ETV1: variants seen among roughly 807,000 people sequenced by gnomAD.
ETV1 encodes ETS variant transcription factor 1.
A neutral mutation model predicts 62.3 loss-of-function variants in ETV1; 27 were observed. The observed-to-expected ratio is 0.43, with a 90% CI of 0.32 to 0.60. ETV1 has a LOEUF of 0.60. Among genes scored for constraint, ETV1 ranks in the 20% least tolerant of loss-of-function variants. The probability of loss-of-function intolerance (pLI) is 0.06; values close to 1 mark genes in which losing one functional copy is unlikely to be tolerated. For synonymous variants in ETV1, 222 were observed against 199.6 expected (o/e 1.11, Z -0.94); for missense variants, 605 against 605.8 (o/e 1.00, Z 0.01).
intron 12 of ETV1, among the ~76,000 whole-genome samples, chr7:13,901,976 C>A (rs1782484179): frequency 6.6e-6 from 1 of 152,124 alleles, no homozygotes; most frequent in Admixed American, 6.5e-5. Context: ...TATATCCCTA[C>A]CTCATCACCA....
rs1781556741 is a variant in ETV1 at position 13,893,953 on chromosome 7, G to A, written c.*1913C>T. The A allele has an allele frequency of 8.6e-6, 2 of 232,956 alleles. No individual in the cohort carries two copies. The highest frequency in any genetic ancestry group is 3.6e-4 in the South Asian group (2 of 5,520). The allele number at this position is 232,956 out of a possible 1,614,324, so 14.4% of individuals were successfully genotyped here. A position where few individuals can be genotyped will look rare whatever the true frequency, so the allele number is the denominator to read the frequency against. On this transcript the variant is annotated 3_prime_UTR_variant, in exon 14 of 14. Transcript: ENST00000430479. ...CAGGTTACATACATATTTTGAAATT[G>A]GAGTACTTTTTGTAGGATTAAATGT...
chr7:13,986,479 A>T (rs1782563948), intron 5 of ETV1, 159 bp downstream of exon 5: 1 of 1,507,596 alleles, frequency 6.6e-7, no homozygotes, highest in Non-Finnish European at 8.8e-7. Flanking sequence ...GAGTCCCCAA[A>T]GACAAACTCA....
At chr7:13,934,413 T>C (rs1237964082) in intron 8 of ETV1, among the ~76,000 whole-genome samples, 1 of 152,196 alleles carries the variant, frequency 6.6e-6, no homozygotes, top group Non-Finnish European at 1.5e-5. Flanking sequence ...AAAAGCACAT[T>C]TGAGTGCTCC....
intron 9 of ETV1, among the ~76,000 whole-genome samples, chr7:13,923,377 G>C (rs1785066208): frequency 6.6e-6 from 1 of 152,048 alleles, no homozygotes; most frequent in Non-Finnish European, 1.5e-5. Flanking sequence ...GCAAAACATA[G>C]AATAACATTT....
At chr7:13,936,214 ATATATCTAT>A (rs1272689270) in intron 7 of ETV1, among the ~76,000 whole-genome samples, 2 of 152,174 alleles carry the variant, frequency 1.3e-5, no homozygotes, top group African/African-American at 4.8e-5. Context: ...TCTATTCTTG[ATATATCTAT>A]TTGAGAAAGT....
intron 5 of ETV1, among the ~76,000 whole-genome samples, chr7:13,982,827 G>C (rs1017313845): frequency 6.6e-6 from 1 of 151,872 alleles, no homozygotes; most frequent in South Asian, 2.1e-4. Flanking sequence ...TTAAAAAAAA[G>C]TAGGATTTCT....
chr7:13,918,417 A>T (rs1389985331), intron 9 of ETV1, among the ~76,000 whole-genome samples: 4 of 152,194 alleles, frequency 2.6e-5, no homozygotes, highest in African/African-American at 9.7e-5. Flanking sequence ...GCTGCTATAA[A>T]GACACATGCA....
At chr7:13,920,012 A>C (rs1784654997) in intron 9 of ETV1, among the ~76,000 whole-genome samples, 1 of 152,200 alleles carries the variant, frequency 6.6e-6, no homozygotes. Context: ...ACTTGAAATA[A>C]GCAGTTCTGG....
chr7:13,963,728 T>G (rs1790455696), intron 6 of ETV1, among the ~76,000 whole-genome samples: 1 of 152,176 alleles, frequency 6.6e-6, no homozygotes. Context: ...TATGTCCATC[T>G]CTACATAAGA....
At position 13,927,250 on chromosome 7, in the gene ETV1, A is replaced by T. The variant is rs928579085; in HGVS notation, c.802+4252T>A. 3.3e-5 allele frequency among the ~76,000 whole-genome samples: 5 copies of T among 151,990 alleles called. No individual in the cohort carries two copies. The East Asian group carries it at 7.7e-4, about 24-fold the overall frequency. ...GATCACTTGAGGTCAGGCGTTTGAG[A>T]CCAGCCTAGCCAACATGATGAACCC... On this transcript the variant is annotated intron_variant, in intron 9 of 13. Coordinates refer to ENST00000430479, the MANE Select transcript of ETV1 (RefSeq NM_004956.5).
chr7:13,959,346 C>T (rs911593117), intron 6 of ETV1, among the ~76,000 whole-genome samples: 3 of 152,238 alleles, frequency 2.0e-5, no homozygotes, highest in East Asian at 1.9e-4. Flanking sequence ...CTCTTAGGTG[C>T]TATTTTAACT....
At chr7:13,910,228 CTTTTTT>C (rs58867942) in intron 10 of ETV1, among the ~76,000 whole-genome samples, 29 of 120,252 alleles carry the variant, frequency 2.4e-4, no homozygotes, top group Admixed American at 1.9e-3. Context: ...AAAAGTTTCC[CTTTTTT>C]TTTTTTTTTT....
At chr7:13,939,048 T>C in intron 7 of ETV1, 69 bp downstream of exon 7, 1 of 1,462,126 alleles carries the variant, frequency 6.8e-7, no homozygotes, top group Non-Finnish European at 9.3e-7. Context: ...ACTTGAGATT[T>C]CATATTATTC....
intron 9 of ETV1, among the ~76,000 whole-genome samples, chr7:13,920,455 T>TGC (rs1438104982): frequency 6.6e-6 from 1 of 151,828 alleles, no homozygotes; most frequent in Non-Finnish European, 1.5e-5. Context: ...TGTGTGTGTG[T>TGC]GTGTGTGTGT....
At chr7:13,975,861 A>T (rs1781404031) in intron 6 of ETV1, among the ~76,000 whole-genome samples, 1 of 152,218 alleles carries the variant, frequency 6.6e-6, no homozygotes, top group African/African-American at 2.4e-5. Flanking sequence ...TTGGTATAGT[A>T]TTGGAATTGT....
chr7:13,981,501 TTACATACATACATACA>T (rs576698388), intron 5 of ETV1, among the ~76,000 whole-genome samples: 5 of 138,666 alleles, frequency 3.6e-5, no homozygotes, highest in African/African-American at 7.9e-5. Context: ...GTTTACAAAG[TTACATACATACATACA>T]TACATACATA....
chr7:13,933,293 G>A (rs192456113), intron 8 of ETV1, among the ~76,000 whole-genome samples: 2 of 152,122 alleles, frequency 1.3e-5, no homozygotes, highest in Non-Finnish European at 2.9e-5. Context: ...TATCAAACAC[G>A]CATGCTTCTC....
At chr7:13,907,430 T>C (rs1427343301) in intron 11 of ETV1, among the ~76,000 whole-genome samples, 3 of 152,154 alleles carry the variant, frequency 2.0e-5, no homozygotes, top group East Asian at 1.9e-4. Flanking sequence ...AAAGTTTGTG[T>C]TATATTTATT....
intron 13 of ETV1, 38 bp from the exon 14 acceptor site, chr7:13,896,125 A>G (rs376801186): frequency 2.0e-6 from 3 of 1,537,524 alleles, no homozygotes; most frequent in South Asian, 1.1e-5. Flanking sequence ...CATCCTCACC[A>G]TCGCCAGATG....
Sources: allele counts gnomAD v4.1 joint callset (sites outside exome capture counted in the v4.1 genomes callset), GRCh38; gene constraint gnomAD v4.1.1; transcripts MANE v1.5; gene names NCBI Gene and HGNC (gene_info 2026-07-23, HGNC 2026-07-21).